Variants in SLIT3 observed in about 807,000 individuals in gnomAD.
The protein encoded by SLIT3 is slit homolog 3 protein.
SLIT3 carries 68 observed loss-of-function variants against 184.0 expected under a neutral mutation model. The ratio of observed to expected loss-of-function variants is 0.37; its 90% CI spans 0.30 to 0.45. The LOEUF is 0.45. Among genes scored for constraint, SLIT3 ranks in the 20% least tolerant of loss-of-function variants. The pLI is 1.00. For synonymous variants in SLIT3, 831 were observed against 828.6 expected (o/e 1.00, Z -0.05); for missense variants, 1,707 against 2,026.0 (o/e 0.84, Z 3.02).
At chr5:168,746,696 G>T (rs138807250) in intron 20 of SLIT3, among the ~76,000 whole-genome samples, 1 of 98,742 alleles carries the variant, frequency 1.0e-5, no homozygotes, top group South Asian at 3.7e-4. Flanking sequence ...TGGTGGTGTG[G>T]GTGTGGTGGT....
At chr5:169,086,093 C>T (rs189120222) in intron 4 of SLIT3, among the ~76,000 whole-genome samples, 3 of 152,326 alleles carry the variant, frequency 2.0e-5, no homozygotes, top group Non-Finnish European at 4.4e-5. Context: ...ACAGCCCCAA[C>T]GTGTCCTTCA....
chr5:169,249,621 G>A (rs10059267), intron 2 of SLIT3, among the ~76,000 whole-genome samples: 12,398 of 152,158 alleles, frequency 0.081, 1,033 homozygotes, highest in African/African-American at 0.19. Context: ...AAGTGAGAAG[G>A]TAAACAAGCA....
At chr5:169,199,946 T>TAGGAAAGGCCAGCTAGGGGAGCCTG (rs1193356339) in intron 3 of SLIT3, among the ~76,000 whole-genome samples, 1 of 151,888 alleles carries the variant, frequency 6.6e-6, no homozygotes, top group Non-Finnish European at 1.5e-5. Context: ...AATCAAAAGG[T>TAGGAAAGGCCAGCTAGGGGAGCCTG]AGGAAAGGCC....
intron 4 of SLIT3, among the ~76,000 whole-genome samples, chr5:168,970,795 G>A (rs1413213655): frequency 6.6e-6 from 1 of 152,104 alleles, no homozygotes; most frequent in Non-Finnish European, 1.5e-5. Flanking sequence ...ATCACTTCCT[G>A]GCTATGTTAC....
intron 4 of SLIT3, among the ~76,000 whole-genome samples, chr5:168,980,738 A>G (rs879438048): frequency 1.3e-5 from 2 of 152,250 alleles, no homozygotes; most frequent in African/African-American, 2.4e-5. Context: ...CACTATTGAT[A>G]ACAGCAGAAG....
At chr5:168,960,568 A>C (rs530769928) in intron 4 of SLIT3, among the ~76,000 whole-genome samples, 14 of 152,220 alleles carry the variant, frequency 9.2e-5, no homozygotes, top group Non-Finnish European at 1.8e-4. Flanking sequence ...TTGACTCCAA[A>C]GTGCCATGAT....
At chr5:168,819,443 G>A (rs1387069493) in intron 7 of SLIT3, among the ~76,000 whole-genome samples, 4 of 152,204 alleles carry the variant, frequency 2.6e-5, no homozygotes, top group Non-Finnish European at 2.9e-5. Context: ...CTGAGGTGCC[G>A]TTCTTTTGTG....
At chr5:169,111,959 G>T (rs1260654701) in intron 4 of SLIT3, among the ~76,000 whole-genome samples, 1 of 152,170 alleles carries the variant, frequency 6.6e-6, no homozygotes, top group East Asian at 1.9e-4. Flanking sequence ...TCAGCCAGGG[G>T]CTCAGTCCAT....
intron 5 of SLIT3, among the ~76,000 whole-genome samples, chr5:168,847,952 T>C (rs4868016): frequency 0.62 from 93,875 of 152,022 alleles, 31,116 homozygotes; most frequent in African/African-American, 0.88. Context: ...ACATGCACGC[T>C]ATCACTCGGG....
chr5:168,997,461 TCTCC>T (rs1755553980), intron 4 of SLIT3, among the ~76,000 whole-genome samples: 1 of 152,086 alleles, frequency 6.6e-6, no homozygotes, highest in Non-Finnish European at 1.5e-5. Flanking sequence ...GGGAGGGTCT[TCTCC>T]AAAACTAGAA....
intron 8 of SLIT3, among the ~76,000 whole-genome samples, chr5:168,807,405 A>G (rs1269022334): frequency 6.6e-6 from 1 of 152,252 alleles, no homozygotes; most frequent in Non-Finnish European, 1.5e-5. Flanking sequence ...AGTAAATGCA[A>G]ATGTTTTAAG....
At position 168,752,994 on chromosome 5, in the gene SLIT3, G is replaced by A. The variant is rs765735352; in HGVS notation, c.1934C>T (p.Thr645Ile). 6 of 1,613,966 alleles carry A rather than the reference G, an allele frequency of 3.7e-6. No homozygotes were observed. In the Admixed American group the frequency reaches 8.3e-5, roughly 22 times the overall value. The change falls in exon 18 of 36, where the codon ACC becomes ATC. Residue 645 changes from threonine (T) to isoleucine (I), a missense_variant. Transcript: ENST00000519560. Reference protein sequence around the residue: ...SLYDNRITTITPGAFTTLVSL... With the variant: ...SLYDNRITTIIPGAFTTLVSL... ...GACAAGCGTGGTGAAGGCCCCAGGG[G>A]TGATGGTGGTGATCCGATTGTCATA...
chr5:168,880,716 C>T (rs1022878238), intron 5 of SLIT3, among the ~76,000 whole-genome samples: 7 of 152,150 alleles, frequency 4.6e-5, no homozygotes, highest in Non-Finnish European at 1.0e-4. Flanking sequence ...AAGTAATGTA[C>T]TTAACATCAC....
At chr5:169,117,844 A>G (rs1760738625) in intron 4 of SLIT3, among the ~76,000 whole-genome samples, 1 of 152,240 alleles carries the variant, frequency 6.6e-6, no homozygotes. Context: ...TGAAAACTCT[A>G]GGTTCTCTCC....
At chr5:168,692,290 A>G (rs1761929695) in intron 29 of SLIT3, among the ~76,000 whole-genome samples, 1 of 152,210 alleles carries the variant, frequency 6.6e-6, no homozygotes, top group Non-Finnish European at 1.5e-5. Context: ...TGCTGAGAGT[A>G]CTGGGAAGTT....
intron 5 of SLIT3, among the ~76,000 whole-genome samples, chr5:168,871,169 G>A (rs892886746): frequency 1.3e-5 from 2 of 152,086 alleles, no homozygotes; most frequent in South Asian, 2.1e-4. Flanking sequence ...CCTGAATCAC[G>A]TGGTCTTTTC....
intron 4 of SLIT3, chr5:169,023,963 C>T (rs1403334417): frequency 6.6e-6 from 1 of 152,182 alleles, no homozygotes; most frequent in East Asian, 1.9e-4. Context: ...GAATGTGATT[C>T]TGCCAGCTGG....
At chr5:168,843,998 G>A (rs1283836081) in intron 6 of SLIT3, among the ~76,000 whole-genome samples, 2 of 29,494 alleles carry the variant, frequency 6.8e-5, no homozygotes, top group African/African-American at 2.5e-4. Flanking sequence ...CCCTACCCCT[G>A]GCCCCTTTAA....
chr5:168,819,456 C>A (rs1389961954), intron 7 of SLIT3, among the ~76,000 whole-genome samples: 2 of 152,158 alleles, frequency 1.3e-5, no homozygotes, highest in African/African-American at 2.4e-5. Flanking sequence ...CTTTTGTGTG[C>A]CGGGAGAAGC....
Sources: allele counts gnomAD v4.1 joint callset (sites outside exome capture counted in the v4.1 genomes callset), GRCh38; gene constraint gnomAD v4.1.1; transcripts MANE v1.5; gene names NCBI Gene and HGNC (gene_info 2026-07-23, HGNC 2026-07-21).